ITGA11: variants seen among roughly 807,000 people sequenced by gnomAD.
The protein encoded by ITGA11 is integrin subunit alpha 11.
In ITGA11, 97 loss-of-function variants were observed where a neutral mutation model predicts 141.9. That is an observed-to-expected ratio of 0.68 (90% CI 0.58 to 0.81). The LOEUF (loss-of-function observed/expected upper bound fraction) is 0.81, where lower values mean the gene tolerates loss of function less well. Ranked by LOEUF, ITGA11 falls within the 30% of genes least tolerant of loss-of-function variation. The probability of loss-of-function intolerance (pLI) is 0.00; values close to 1 mark genes in which losing one functional copy is unlikely to be tolerated. For synonymous variants in ITGA11, 658 were observed against 624.6 expected, an observed-to-expected ratio of 1.05 and a Z score of -0.80; for missense variants, 1,387 against 1,559.2, an observed-to-expected ratio of 0.89 and a Z score of 1.86.
intron 1 of ITGA11, among the ~76,000 whole-genome samples, chr15:68,404,028 G>T (rs1896576867): frequency 6.6e-6 from 1 of 152,152 alleles, no homozygotes; most frequent in African/African-American, 2.4e-5. Flanking sequence ...ACCAGGGAGA[G>T]ACAGTTGCCC....
chr15:68,391,100 G>A (rs1896109199), intron 2 of ITGA11, among the ~76,000 whole-genome samples: 1 of 152,210 alleles, frequency 6.6e-6, no homozygotes, highest in Non-Finnish European at 1.5e-5. Flanking sequence ...AGGAAGCAGG[G>A]AGGGGAAAGC....
chr15:68,375,793 G>T (rs1205203279), intron 2 of ITGA11, among the ~76,000 whole-genome samples: 3 of 152,208 alleles, frequency 2.0e-5, no homozygotes, highest in African/African-American at 7.2e-5. Flanking sequence ...GGGCCACGGG[G>T]TGCCTAGATA....
At chr15:68,400,013 GA>G (rs1414766170) in intron 2 of ITGA11, among the ~76,000 whole-genome samples, 1 of 152,068 alleles carries the variant, frequency 6.6e-6, no homozygotes, top group Non-Finnish European at 1.5e-5. Flanking sequence ...ACCTGACTTC[GA>G]GACTTATTTT....
At chr15:68,358,725 T>C in intron 5 of ITGA11, 140 bp from the exon 6 acceptor site, 2 of 945,502 alleles carry the variant, frequency 2.1e-6, no homozygotes, top group Non-Finnish European at 3.0e-6. Context: ...TGTCCTTGGG[T>C]TGGACATTTA....
At chr15:68,356,384 G>A (rs1028168481) in intron 7 of ITGA11, among the ~76,000 whole-genome samples, 4 of 151,870 alleles carry the variant, frequency 2.6e-5, no homozygotes, top group Non-Finnish European at 5.9e-5. Flanking sequence ...GATTACAGGT[G>A]AGAGCCACCA....
At chr15:68,327,983 G>T in intron 16 of ITGA11, 113 bp downstream of exon 16, 1 of 1,050,656 alleles carries the variant, frequency 9.5e-7, no homozygotes, top group Non-Finnish European at 1.4e-6. Context: ...GGTGGCTCTT[G>T]GGCGACCTGG....
intron 1 of ITGA11, among the ~76,000 whole-genome samples, chr15:68,428,766 G>T (rs1897201930): frequency 6.6e-6 from 1 of 152,088 alleles, no homozygotes; most frequent in Non-Finnish European, 1.5e-5. Flanking sequence ...TACCCACAAG[G>T]GCCATGTTGC....
chr15:68,335,109 C>T lies in ITGA11; in HGVS notation c.1425+588G>A, dbSNP rs1419946289. Among the ~76,000 whole-genome samples the T allele has an allele frequency of 2.0e-5, 3 of 152,170 alleles. No homozygotes were observed. Among genetic ancestry groups the T allele is most frequent in the African/African-American group, 4.8e-5 (2 of 41,446 alleles). ...AACATGGAAGGGCCTGGACAGCACTCAGCTCTGGCCTAGAGAGGGCACAGA... is the reference window on the plus strand; with the variant it reads ...AACATGGAAGGGCCTGGACAGCACTTAGCTCTGGCCTAGAGAGGGCACAGA... On this transcript the variant is annotated intron_variant, in intron 12 of 29. Coordinates refer to ENST00000315757, the MANE Select transcript of ITGA11 (RefSeq NM_001004439.2). This position sits in a 1 kb window ranked among gnomAD's most constrained non-coding sequence, Gnocchi z 4.9.
chr15:68,330,935 T>C (rs747947272), intron 15 of ITGA11, 46 bp downstream of exon 15: 2 of 1,610,294 alleles, frequency 1.2e-6, no homozygotes, highest in Admixed American at 3.3e-5. Flanking sequence ...GGATTCATTG[T>C]GACTTTCAGG....
intron 1 of ITGA11, among the ~76,000 whole-genome samples, chr15:68,406,387 G>T (rs887414618): frequency 6.6e-6 from 1 of 151,888 alleles, no homozygotes; most frequent in Non-Finnish European, 1.5e-5. Context: ...TGACCCTCTC[G>T]CTGTCCTTCC....
intron 3 of ITGA11, among the ~76,000 whole-genome samples, 180 bp downstream of exon 3, chr15:68,369,004 G>A (rs1364689629): frequency 6.6e-6 from 1 of 152,020 alleles, no homozygotes; most frequent in African/African-American, 2.4e-5. Context: ...TGGAAAAGTT[G>A]CCTCCTCTCC....
At chr15:68,339,747 G>T in intron 10 of ITGA11, 103 bp from the exon 11 acceptor site, 1 of 1,354,550 alleles carries the variant, frequency 7.4e-7, no homozygotes, top group African/African-American at 1.4e-5. Flanking sequence ...CAGCCACCTC[G>T]GGCACCTTCT....
At chr15:68,405,118 G>C (rs1416755687) in intron 1 of ITGA11, among the ~76,000 whole-genome samples, 2 of 147,874 alleles carry the variant, frequency 1.4e-5, no homozygotes, top group Non-Finnish European at 3.0e-5. Context: ...ACTTTAATAA[G>C]GCCTATCATA....
At position 68,307,340 on chromosome 15, in the gene ITGA11, G is replaced by T; in HGVS notation, c.3381+8C>A. The T allele has an allele frequency of 2.6e-6, 4 of 1,550,666 alleles. No individual in the cohort carries two copies. The highest frequency in any genetic ancestry group is 4.9e-5 in the East Asian group (2 of 41,084). ...AAGCCCAGTTCTGCAGGGCTCCCAG[G>T]GGCTCACCTGGCGGCTGGGATCCTC... On this transcript the variant is annotated splice_region_variant and intron_variant, in intron 28 of 29. Transcript: ENST00000315757. The surrounding 1 kb of genome is among the most constrained non-coding windows in gnomAD (Gnocchi z 6.1).
At chr15:68,414,975 C>T (rs931233307) in intron 1 of ITGA11, among the ~76,000 whole-genome samples, 2 of 152,182 alleles carry the variant, frequency 1.3e-5, no homozygotes, top group East Asian at 1.9e-4. Context: ...GAAAACTTAA[C>T]CAAACTTGGG....
chr15:68,332,255 T>C (rs1443310130), intron 13 of ITGA11, 83 bp downstream of exon 13: 2 of 1,478,118 alleles, frequency 1.4e-6, no homozygotes, highest in Non-Finnish European at 1.8e-6. Flanking sequence ...GCCTCGCTAG[T>C]AACGCATTTC....
Position 68,324,099 on chromosome 15 carries a change from T to C in ITGA11, c.2322+1032A>G, listed in dbSNP as rs1204219812. On this transcript the variant is annotated intron_variant, in intron 18 of 29. Transcript: ENST00000315757. This position sits in a 1 kb window ranked among gnomAD's most constrained non-coding sequence, Gnocchi z 6.3. Reference sequence around the variant, plus strand: ...CTTCTCCCGGCTCACTAACGATGAATCCAGCTTTGCCAGCCCAGGAGCTCA... The same window carrying C: ...CTTCTCCCGGCTCACTAACGATGAACCCAGCTTTGCCAGCCCAGGAGCTCA... Among the ~76,000 whole-genome samples, 10 of 151,566 alleles carry C rather than the reference T, an allele frequency of 6.6e-5. No homozygotes were observed. The East Asian group carries it at 1.4e-3, about 21-fold the overall frequency.
chr15:68,361,526 A>G, intron 5 of ITGA11, 64 bp downstream of exon 5: 1 of 1,081,100 alleles, frequency 9.2e-7, no homozygotes, highest in Non-Finnish European at 1.4e-6. Flanking sequence ...TGTTGTGCTC[A>G]GGGCCCAAGT....
rs781248908 is a variant in ITGA11, at chr15:68,307,631, G to T, written c.3240C>A (p.Ile1080=). 6.2e-7 allele frequency: 1 copy of T among 1,613,824 alleles called. No homozygotes were observed. Among genetic ancestry groups the T allele is most frequent in the Admixed American group, 1.7e-5 (1 of 60,018 alleles). The change falls in exon 27 of 30, where the codon ATC becomes ATA. Residue 1080 remains isoleucine (I), a synonymous_variant. Coordinates refer to ENST00000315757, the MANE Select transcript of ITGA11 (RefSeq NM_001004439.2). The surrounding 1 kb of genome is among the most constrained non-coding windows in gnomAD (Gnocchi z 6.1). ...ACAGGTTCCCCAGTAGATGGAAATT[G>T]ATTTCCTGGTTGGGGACCAGCCGTA... ...CNIRLVPNQE[I]NFHLLGNLWL... is the part of the protein sequence containing the mutation.
Sources: gnomAD v4.1 joint callset for allele counts (sites outside exome capture counted in the v4.1 genomes callset) on GRCh38, gnomAD v4.1.1 for gene constraint, Gnocchi (gnomAD v3.1) non-coding constraint, MANE v1.5 for transcripts, NCBI Gene and HGNC (gene_info 2026-07-23, HGNC 2026-07-21) for gene names.